The following RFWD3 variants were observed in gnomAD, a reference collection of about 807,000 sequenced individuals.
The protein encoded by RFWD3 is ring finger and WD repeat domain 3, also known as E3 ubiquitin-protein ligase RFWD3.
Under a neutral mutation model 87.7 loss-of-function variants are expected in RFWD3, and 65 were observed. That is an observed-to-expected ratio of 0.74 (90% CI 0.61 to 0.91). RFWD3 has a LOEUF of 0.91. RFWD3 is among the 40% of genes least tolerant of loss of function. The pLI, the probability that RFWD3 is intolerant of heterozygous loss-of-function variation, is 0.00. For missense variants in RFWD3, 1,078 were observed against 938.5 expected, an observed-to-expected ratio of 1.15 and a Z score of -1.94; for synonymous variants, 433 against 352.8, an observed-to-expected ratio of 1.23 and a Z score of -2.55.
At chr16:74,655,608 A>T (rs981632999) in intron 2 of RFWD3, among the ~76,000 whole-genome samples, 1 of 147,572 alleles carries the variant, frequency 6.8e-6, no homozygotes, top group African/African-American at 2.5e-5. Flanking sequence ...TGCTAAATTT[A>T]TTCTGTCTGT....
At chr16:74,652,652 T>C (rs1960655386) in intron 2 of RFWD3, among the ~76,000 whole-genome samples, 1 of 152,174 alleles carries the variant, frequency 6.6e-6, no homozygotes, top group Non-Finnish European at 1.5e-5. Flanking sequence ...AAAACATAAA[T>C]GATAATATGG....
intron 6 of RFWD3, among the ~76,000 whole-genome samples, chr16:74,638,988 T>C (rs1567573647): frequency 6.6e-6 from 1 of 151,930 alleles, no homozygotes; most frequent in Non-Finnish European, 1.5e-5. Flanking sequence ...GGTACTATAA[T>C]GGTATTTATG....
chr16:74,655,847 G>C (rs1960939845), intron 2 of RFWD3, among the ~76,000 whole-genome samples: 1 of 152,246 alleles, frequency 6.6e-6, no homozygotes, highest in Non-Finnish European at 1.5e-5. Context: ...TCTCTAAATG[G>C]AACTACAAAG....
chr16:74,649,685 T>C (rs572288626), intron 3 of RFWD3, among the ~76,000 whole-genome samples: 10 of 152,322 alleles, frequency 6.6e-5, no homozygotes, highest in African/African-American at 2.2e-4. Flanking sequence ...CCAGTTCATA[T>C]TCAAAATTTC....
intron 6 of RFWD3, among the ~76,000 whole-genome samples, chr16:74,639,689 T>C (rs1226689667): frequency 6.6e-6 from 1 of 152,126 alleles, no homozygotes; most frequent in Non-Finnish European, 1.5e-5. Flanking sequence ...TTTAAAAAAT[T>C]AATATGAAGA....
At chr16:74,638,821 G>A (rs372736984) in intron 6 of RFWD3, among the ~76,000 whole-genome samples, 1 of 152,142 alleles carries the variant, frequency 6.6e-6, no homozygotes, top group African/African-American at 2.4e-5. Flanking sequence ...GGCATGTTCT[G>A]AGAAACATGT....
Position 74,637,866 on chromosome 16 carries a change from C to T in RFWD3, c.1184G>A (p.Arg395Lys). The change falls in exon 7 of 13, where the codon AGG becomes AAG. Residue 395 changes from arginine (R) to lysine (K), a missense_variant. By Grantham distance (26) the Arg-to-Lys change is conservative. Transcript: ENST00000361070. ...VLTDKCTRLQRRVQDLQKLTS... is the reference protein window; with the variant it reads ...VLTDKCTRLQKRVQDLQKLTS... ...AAAGGACAAACGTACCTGAACACGC[C>T]TTTGAAGCCTAGTGCACTTATCAGT... 6.2e-7 allele frequency: 1 copy of T among 1,612,136 alleles called. No individual in the cohort carries two copies. Among genetic ancestry groups the T allele is most frequent in the Non-Finnish European group, 8.5e-7 (1 of 1,179,210 alleles).
In RFWD3 at chr16:74,647,554, C is replaced by G. The variant is rs140714019; in HGVS notation, c.792+1578G>C. On this transcript the variant is annotated intron_variant, in intron 4 of 12. Coordinates refer to ENST00000361070, the MANE Select transcript of RFWD3 (RefSeq NM_018124.4). ...TCACCCACCTTGACTTCCCACAGTG[C>G]TGGGATTACAGGTGTGAGCCACTGC... 5.1e-4 allele frequency among the ~76,000 whole-genome samples: 77 copies of G among 152,190 alleles called. No homozygotes were observed. The East Asian group carries it at 0.014, about 27-fold the overall frequency.
intron 2 of RFWD3, chr16:74,660,638 G>C (rs1291450486): frequency 3.5e-6 from 1 of 289,188 alleles, no homozygotes; most frequent in Non-Finnish European, 6.5e-6. Context: ...GGTGAGTAGA[G>C]ACTTGCAAGT....
At chr16:74,660,137 CAG>C (rs1490784596) in intron 2 of RFWD3, among the ~76,000 whole-genome samples, 6 of 152,120 alleles carry the variant, frequency 3.9e-5, no homozygotes, top group Admixed American at 2.6e-4. Flanking sequence ...ATGTAGAAAA[CAG>C]GGCAGATCCA....
At chr16:74,647,339 G>GT (rs1185551531) in intron 4 of RFWD3, among the ~76,000 whole-genome samples, 5 of 151,986 alleles carry the variant, frequency 3.3e-5, no homozygotes, top group Non-Finnish European at 7.4e-5. Context: ...CCAGGCTGGA[G>GT]TGCAATGGCA....
chr16:74,624,316 CCATT>C (rs1958855342), intron 12 of RFWD3, among the ~76,000 whole-genome samples: 1 of 152,204 alleles, frequency 6.6e-6, no homozygotes, highest in Admixed American at 6.5e-5. Context: ...AGCCCAGCTT[CCATT>C]CATTCAATGT....
At position 74,623,794 on chromosome 16, in the gene RFWD3, C is replaced by T; in HGVS notation, c.*134G>A. 2.1e-6 allele frequency: 2 copies of T among 936,432 alleles called. No individual in the cohort carries two copies. Among genetic ancestry groups the T allele is most frequent in the Non-Finnish European group, 1.6e-6 (1 of 616,234 alleles). 58.0% of individuals were successfully genotyped at this position (936,432 alleles called of 1,614,324 possible). Reference sequence around the variant, plus strand: ...TCTCAGTGACCTAGGGTCCTAGAATCATACTAATGCAAACAAACCATGATT... The same window carrying T: ...TCTCAGTGACCTAGGGTCCTAGAATTATACTAATGCAAACAAACCATGATT... On this transcript the variant is annotated 3_prime_UTR_variant, in exon 13 of 13. Coordinates refer to ENST00000361070, the MANE Select transcript of RFWD3 (RefSeq NM_018124.4).
chr16:74,626,322 G>C (rs748985693), intron 12 of RFWD3, 21 bp downstream of exon 12: 4 of 1,601,132 alleles, frequency 2.5e-6, no homozygotes, highest in Non-Finnish European at 3.4e-6. Context: ...TTATATGAAA[G>C]TAAAAAAGTA....
intron 4 of RFWD3, among the ~76,000 whole-genome samples, chr16:74,648,712 T>G (rs185267033): frequency 1.3e-5 from 2 of 151,666 alleles, no homozygotes. Context: ...GCAGAGGTTA[T>G]TGTGGTGAGC....
chr16:74,633,212 G>A lies in RFWD3; in HGVS notation c.1427-539C>T, dbSNP rs143262250. Among the ~76,000 whole-genome samples, 20 of 151,266 alleles carry A rather than the reference G, an allele frequency of 1.3e-4. No homozygotes were observed. The East Asian group carries it at 2.3e-3, about 18-fold the overall frequency. ...GAATCGCTTGAACCCAGGAGGCGGA[G>A]GTTGTAGTGAGACAAGATTGCACCA... is the stretch of plus-strand genomic sequence containing the variant. On this transcript the variant is annotated intron_variant, in intron 8 of 12. Coordinates refer to ENST00000361070, the MANE Select transcript of RFWD3 (RefSeq NM_018124.4).
intron 11 of RFWD3, 92 bp downstream of exon 11, chr16:74,628,360 A>T: frequency 8.1e-7 from 1 of 1,228,664 alleles, no homozygotes. Context: ...GAGCGGTACC[A>T]CAGCCACCCA....
Position 74,632,679 on chromosome 16 carries a change from A to G in RFWD3, c.1427-6T>C, listed in dbSNP as rs754446035. On this transcript the variant is annotated splice_polypyrimidine_tract_variant and splice_region_variant and intron_variant, in intron 8 of 12. Coordinates refer to ENST00000361070, the MANE Select transcript of RFWD3 (RefSeq NM_018124.4). The stretch of plus-strand genomic sequence containing the variant: ...CAACATCTTAACACCAAAGCCTGAA[A>G]AAGGCAAAATAGTATGAAATAGATC... 1 of 1,613,836 alleles carries G rather than the reference A, an allele frequency of 6.2e-7. No homozygotes were observed. The highest frequency in any genetic ancestry group is 1.3e-5 in the African/African-American group (1 of 74,930).
At chr16:74,662,150 T>C (rs182603237) in intron 1 of RFWD3, among the ~76,000 whole-genome samples, 259 of 133,602 alleles carry the variant, frequency 1.9e-3, no homozygotes, top group Non-Finnish European at 3.3e-3. Context: ...AAAAAAAAAA[T>C]TTTTTTTTGT....
Sources: gnomAD v4.1 joint callset for allele counts (sites outside exome capture counted in the v4.1 genomes callset) on GRCh38, gnomAD v4.1.1 for gene constraint, MANE v1.5 for transcripts, NCBI Gene and HGNC (gene_info 2026-07-23, HGNC 2026-07-21) for gene names.